The following SEMA6A variants were observed in gnomAD, a reference collection of about 807,000 sequenced individuals.
SEMA6A encodes semaphorin 6A, also known as semaphorin-6A.
In SEMA6A, 25 loss-of-function variants were observed where a neutral mutation model predicts 96.8. The ratio of observed to expected loss-of-function variants is 0.26; its 90% confidence interval spans 0.19 to 0.36. The LOEUF (loss-of-function observed/expected upper bound fraction) is 0.36. SEMA6A is among the 10% of genes least tolerant of loss of function. SEMA6A has a pLI of 1.00. For synonymous variants in SEMA6A, 612 were observed against 518.0 expected, an observed-to-expected ratio of 1.18 and a Z score of -2.46; for missense variants, 1,363 against 1,323.1, an observed-to-expected ratio of 1.03 and a Z score of -0.47.
At position 116,478,929 on chromosome 5, in the gene SEMA6A, AGTGTGTGT is replaced by A. The variant is rs34260068; in HGVS notation, c.1251-219_1251-212del. On this transcript the variant is annotated intron_variant, in intron 12 of 18. Coordinates refer to ENST00000343348, the MANE Select transcript of SEMA6A (RefSeq NM_020796.5). ...AAAGGGGAGGAAGGAGGTGTGAGAG[AGTGTGTGT>A]GTGTGTGTGTGTGTGTGTGTGTGTG... 1.8e-3 allele frequency among the ~76,000 whole-genome samples: 271 copies of A among 149,318 alleles called. 1 individual carries two copies. The highest frequency in any genetic ancestry group is 0.017 in the East Asian group (85 of 5,032).
At chr5:116,561,342 G>A (rs1026117163) in intron 1 of SEMA6A, among the ~76,000 whole-genome samples, 3 of 152,146 alleles carry the variant, frequency 2.0e-5, no homozygotes, top group East Asian at 1.9e-4. Flanking sequence ...TTGGGGAAAC[G>A]TTATCTCCTT....
At chr5:116,463,677 T>TA (rs1197209094) in intron 18 of SEMA6A, among the ~76,000 whole-genome samples, 1 of 152,228 alleles carries the variant, frequency 6.6e-6, no homozygotes, top group Non-Finnish European at 1.5e-5. Context: ...AATGTGATAA[T>TA]ATCTCACTTT....
chr5:116,521,208 A>T (rs1758932942), intron 1 of SEMA6A, among the ~76,000 whole-genome samples: 1 of 152,210 alleles, frequency 6.6e-6, no homozygotes, highest in African/African-American at 2.4e-5. Flanking sequence ...AGAGGTGTGG[A>T]TTGTGGAATA....
chr5:116,470,604 A>T (rs1031596793), intron 17 of SEMA6A, among the ~76,000 whole-genome samples: 5 of 152,224 alleles, frequency 3.3e-5, no homozygotes, highest in Non-Finnish European at 5.9e-5. Flanking sequence ...CTAAATCAAT[A>T]CAAGAGAGGA....
intron 10 of SEMA6A, among the ~76,000 whole-genome samples, chr5:116,483,500 G>C (rs1418288235): frequency 6.6e-6 from 1 of 152,068 alleles, no homozygotes; most frequent in Non-Finnish European, 1.5e-5. Flanking sequence ...CATCATCCAG[G>C]GCAGGGAATA....
chr5:116,516,105 G>T (rs1027651570), intron 1 of SEMA6A, among the ~76,000 whole-genome samples: 1 of 152,000 alleles, frequency 6.6e-6, no homozygotes, highest in Non-Finnish European at 1.5e-5. Flanking sequence ...TGCCTCTTTC[G>T]ATGAGCTCTG....
intron 1 of SEMA6A, among the ~76,000 whole-genome samples, chr5:116,539,210 T>C (rs562159010): frequency 3.6e-4 from 55 of 152,318 alleles, no homozygotes; most frequent in South Asian, 1.2e-3. Flanking sequence ...GCTGTGACGA[T>C]CTGGGCAAGC....
chr5:116,517,216 G>A (rs1158859059), intron 1 of SEMA6A, among the ~76,000 whole-genome samples: 1 of 151,936 alleles, frequency 6.6e-6, no homozygotes, highest in Non-Finnish European at 1.5e-5. Context: ...ATTATGAACA[G>A]GTATGATTAT....
intron 18 of SEMA6A, among the ~76,000 whole-genome samples, chr5:116,462,755 T>A (rs1489171673): frequency 6.6e-6 from 1 of 152,142 alleles, no homozygotes; most frequent in Non-Finnish European, 1.5e-5. Context: ...AGAACAAAGT[T>A]CTTGGTAATA....
At chr5:116,484,685 TG>T (rs1317738946) in intron 10 of SEMA6A, among the ~76,000 whole-genome samples, 10 of 152,092 alleles carry the variant, frequency 6.6e-5, no homozygotes, top group Non-Finnish European at 2.9e-5. Context: ...CAGGACGGTC[TG>T]GTAAGAGCAG....
chr5:116,522,860 C>G (rs1446220037), intron 1 of SEMA6A, among the ~76,000 whole-genome samples: 1 of 152,128 alleles, frequency 6.6e-6, no homozygotes, highest in African/African-American at 2.4e-5. Flanking sequence ...TTTGAAGCAT[C>G]CCCAAAGGAC....
intron 18 of SEMA6A, among the ~76,000 whole-genome samples, chr5:116,451,186 C>A (rs1039611749): frequency 3.9e-5 from 6 of 152,054 alleles, no homozygotes; most frequent in African/African-American, 7.2e-5. Flanking sequence ...TGGATTGTTA[C>A]AAGAATCAAA....
intron 18 of SEMA6A, among the ~76,000 whole-genome samples, chr5:116,463,662 GTAA>G (rs1191144437): frequency 6.6e-6 from 1 of 152,142 alleles, no homozygotes; most frequent in Non-Finnish European, 1.5e-5. Context: ...TGGACTAAAT[GTAA>G]TAATGTGATA....
At chr5:116,549,578 G>A (rs1031069340) in intron 1 of SEMA6A, among the ~76,000 whole-genome samples, 1 of 152,000 alleles carries the variant, frequency 6.6e-6, no homozygotes, top group African/African-American at 2.4e-5. Context: ...ATAAACAGGT[G>A]GAAACAGAAG....
intron 3 of SEMA6A, among the ~76,000 whole-genome samples, chr5:116,500,755 G>A (rs568899028): frequency 6.6e-6 from 1 of 152,004 alleles, no homozygotes; most frequent in Non-Finnish European, 1.5e-5. Context: ...CTGTAATTCC[G>A]GCACTTTGAG....
In SEMA6A at chr5:116,502,180, C is replaced by T. The variant is rs78600995; in HGVS notation, c.218+30G>A. 5.9e-4 allele frequency: 930 copies of T among 1,585,766 alleles called. 11 individuals are homozygous for T. In the East Asian group the frequency reaches 0.014, roughly 24 times the overall value. ...AGGACCTTGGGCTTTTGGACACTCT[C>T]AAGGCAGACATGGGGAAAAGGCCCC... is the stretch of plus-strand genomic sequence containing the variant. On this transcript the variant is annotated intron_variant, in intron 3 of 18. Coordinates refer to ENST00000343348, the MANE Select transcript of SEMA6A (RefSeq NM_020796.5).
chr5:116,552,582 A>G (rs1450778826), intron 1 of SEMA6A, among the ~76,000 whole-genome samples: 1 of 152,130 alleles, frequency 6.6e-6, no homozygotes, highest in African/African-American at 2.4e-5. Context: ...CCATGGAGCA[A>G]TTTAGTTAAG....
At chr5:116,554,037 A>G (rs254081) in intron 1 of SEMA6A, among the ~76,000 whole-genome samples, 108,044 of 151,862 alleles carry the variant, frequency 0.71, 40,186 homozygotes, top group East Asian at 0.87. Context: ...AGGTAATGAT[A>G]GGAGGAGGGC....
At chr5:116,470,104 T>C (rs1756025009) in intron 17 of SEMA6A, among the ~76,000 whole-genome samples, 1 of 152,144 alleles carries the variant, frequency 6.6e-6, no homozygotes, top group Non-Finnish European at 1.5e-5. Flanking sequence ...AAGCAATACC[T>C]GACTCTCAAA....
Sources: gnomAD v4.1 joint callset for allele counts (sites outside exome capture counted in the v4.1 genomes callset) on GRCh38, gnomAD v4.1.1 for gene constraint, MANE v1.5 for transcripts, NCBI Gene and HGNC (gene_info 2026-07-23, HGNC 2026-07-21) for gene names.